Variants in RBFOX2 observed in about 807,000 individuals in gnomAD.
The protein encoded by RBFOX2 is RNA binding protein fox-1 homolog 2.
Under a neutral mutation model 49.1 loss-of-function variants are expected in RBFOX2, and 10 were observed. The observed-to-expected ratio is 0.20, with a 90% CI of 0.13 to 0.35. RBFOX2 has a LOEUF of 0.35. Ranked by LOEUF, RBFOX2 falls within the 10% of genes least tolerant of loss-of-function variation. The pLI is 1.00. For synonymous variants in RBFOX2, 183 were observed against 187.4 expected, an observed-to-expected ratio of 0.98 and a Z score of 0.19; for missense variants, 323 against 486.9, an observed-to-expected ratio of 0.66 and a Z score of 3.17.
At chr22:35,849,652 C>G (rs1263004377) in intron 1 of RBFOX2, among the ~76,000 whole-genome samples, 1 of 152,064 alleles carries the variant, frequency 6.6e-6, no homozygotes, top group Non-Finnish European at 1.5e-5. Flanking sequence ...AAGGACAGTA[C>G]AAAAAGTGTC....
chr22:35,897,871 G>C lies in RBFOX2; in HGVS notation c.-34+40976C>G, dbSNP rs112659057. 3,733 of 731,968 alleles carry C rather than the reference G, an allele frequency of 5.1e-3. 102 individuals carry two copies. The African/African-American group carries it at 0.058, about 11-fold the overall frequency. The allele number at this position is 731,968 out of a possible 1,614,324, so 45.3% of individuals were successfully genotyped here. A position where few individuals can be genotyped will look rare whatever the true frequency, so the allele number is the denominator to read the frequency against. ...AACAGCCTTCTTTCTCAAATATCTA[G>C]AAGAGCTTTTAATATTCACATTCAG... is the stretch of plus-strand genomic sequence containing the variant. On this transcript the variant is annotated intron_variant, in intron 1 of 13. Coordinates refer to the RBFOX2 transcript ENST00000359369.
chr22:35,877,434 G>C (rs1006857012), intron 1 of RBFOX2, among the ~76,000 whole-genome samples: 1 of 152,148 alleles, frequency 6.6e-6, no homozygotes, highest in South Asian at 2.1e-4. Flanking sequence ...AGGAGAAAGA[G>C]ACTTGGTGAT....
At chr22:36,008,129 C>T (rs1470407367) in intron 1 of RBFOX2, among the ~76,000 whole-genome samples, 1 of 152,124 alleles carries the variant, frequency 6.6e-6, no homozygotes, top group Non-Finnish European at 1.5e-5. Flanking sequence ...TGACTTTTCA[C>T]CACCACAGCA....
intron 1 of RBFOX2, among the ~76,000 whole-genome samples, chr22:35,950,953 C>CTTTT (rs747849148): frequency 1.6e-5 from 2 of 128,144 alleles, no homozygotes; most frequent in African/African-American, 2.9e-5. Flanking sequence ...GTAAAGAATT[C>CTTTT]TTTTTTTTTT....
chr22:35,871,182 A>G (rs1391004530), intron 1 of RBFOX2, among the ~76,000 whole-genome samples: 1 of 152,218 alleles, frequency 6.6e-6, no homozygotes, highest in African/African-American at 2.4e-5. Context: ...ATGGAAACGC[A>G]ACTTTGACAG....
At chr22:35,809,120 G>C (rs923415319) in intron 2 of RBFOX2, among the ~76,000 whole-genome samples, 1 of 151,024 alleles carries the variant, frequency 6.6e-6, no homozygotes, top group East Asian at 1.9e-4. Context: ...CAGTAATACC[G>C]GAAATAAGTG....
At chr22:35,959,817 T>A (rs898960077) in intron 1 of RBFOX2, among the ~76,000 whole-genome samples, 1 of 152,220 alleles carries the variant, frequency 6.6e-6, no homozygotes, top group Non-Finnish European at 1.5e-5. Flanking sequence ...CATGGGGGAC[T>A]GTTTTGAGGA....
Position 36,028,571 on chromosome 22 carries a change from G to A in RBFOX2, c.-146C>T, listed in dbSNP as rs2059541505. The A allele has an allele frequency of 1.4e-5, 10 of 729,290 alleles. 1 individual carries two copies. In the South Asian group the frequency reaches 4.3e-4, roughly 31 times the overall value. 45.2% of individuals were successfully genotyped at this position (729,290 alleles called of 1,614,324 possible). On this transcript the variant is annotated 5_prime_UTR_variant, in exon 1 of 14. Coordinates refer to the RBFOX2 transcript ENST00000438146. ...GCGTGCGTGCGCGCGAGCGGACTCC[G>A]CGCCCCTCCGCGCCTCGCGGCCGCC...
At chr22:35,856,990 C>T (rs1479449274) in intron 1 of RBFOX2, among the ~76,000 whole-genome samples, 6 of 152,152 alleles carry the variant, frequency 3.9e-5, no homozygotes, top group East Asian at 1.9e-4. Context: ...CGAGATTGCA[C>T]CACTGCACTC....
intron 2 of RBFOX2, among the ~76,000 whole-genome samples, chr22:35,785,200 T>C (rs1946134426): frequency 6.6e-6 from 1 of 152,138 alleles, no homozygotes; most frequent in Non-Finnish European, 1.5e-5. Context: ...TTTTGCAACA[T>C]CCCAGCATGC....
At chr22:35,981,671 T>C (rs1244248524) in intron 1 of RBFOX2, among the ~76,000 whole-genome samples, 2 of 151,848 alleles carry the variant, frequency 1.3e-5, no homozygotes, top group East Asian at 3.9e-4. Flanking sequence ...GAATTAAAAA[T>C]TTAAAAATAT....
chr22:35,838,230 A>G (rs1958033781), intron 1 of RBFOX2, among the ~76,000 whole-genome samples: 1 of 151,464 alleles, frequency 6.6e-6, no homozygotes, highest in Non-Finnish European at 1.5e-5. Flanking sequence ...CTTTTATGTA[A>G]ATTTTTTTTA....
intron 1 of RBFOX2, among the ~76,000 whole-genome samples, chr22:35,857,234 G>A (rs890407911): frequency 6.6e-6 from 1 of 152,136 alleles, no homozygotes. Context: ...CATAAATAAC[G>A]TTTTGTGAAA....
intron 4 of RBFOX2, among the ~76,000 whole-genome samples, chr22:35,777,462 T>A (rs1157831679): frequency 6.6e-6 from 1 of 152,222 alleles, no homozygotes; most frequent in African/African-American, 2.4e-5. Context: ...TGACTCTACA[T>A]CCTGAGGATT....
At position 35,986,957 on chromosome 22, in the gene RBFOX2, C is replaced by CTT. The variant is rs200947927; in HGVS notation, c.186+41281_186+41282dup. Among the ~76,000 whole-genome samples the CTT allele has an allele frequency of 6.1e-3, 872 of 142,040 alleles. 6 individuals are homozygous for CTT. The highest frequency in any genetic ancestry group is 0.021 in the African/African-American group (836 of 38,996). 93.2% of individuals were successfully genotyped at this position (142,040 alleles called of 152,430 possible). Reference sequence around the variant, plus strand: ...AAAATAGAGTTTTGTATAAAGATCTCTTTTTTTTTTTTTTAAGACTGTTAC... The same window carrying CTT: ...AAAATAGAGTTTTGTATAAAGATCTCTTTTTTTTTTTTTTTTAAGACTGTTAC... On this transcript the variant is annotated intron_variant, in intron 1 of 13. Coordinates refer to the RBFOX2 transcript ENST00000438146.
chr22:35,900,183 G>A (rs1364220911), intron 1 of RBFOX2, among the ~76,000 whole-genome samples: 2 of 152,010 alleles, frequency 1.3e-5, no homozygotes, highest in Non-Finnish European at 2.9e-5. Context: ...GCATGATCTC[G>A]GCTCACTGCA....
chr22:35,848,180 T>C (rs983845437), intron 1 of RBFOX2, among the ~76,000 whole-genome samples: 28 of 152,194 alleles, frequency 1.8e-4, no homozygotes, highest in African/African-American at 6.3e-4. Flanking sequence ...ATGTTTCTCA[T>C]TGAAAGCACA....
chr22:35,855,063 C>CA (rs921688300), intron 1 of RBFOX2, among the ~76,000 whole-genome samples: 18 of 152,016 alleles, frequency 1.2e-4, no homozygotes, highest in African/African-American at 4.3e-4. Flanking sequence ...TCCCATTTAT[C>CA]AAAATGATTT....
chr22:35,810,352 A>C (rs1477793992), intron 1 of RBFOX2, among the ~76,000 whole-genome samples: 2 of 152,148 alleles, frequency 1.3e-5, no homozygotes, highest in Non-Finnish European at 1.5e-5. Context: ...ACCACAAGCC[A>C]CTACAGCCTA....
Sources: allele counts gnomAD v4.1 joint callset (sites outside exome capture counted in the v4.1 genomes callset), GRCh38; gene constraint gnomAD v4.1.1; transcripts MANE v1.5; gene names NCBI Gene and HGNC (gene_info 2026-07-23, HGNC 2026-07-21).